EXOC2: variants seen among roughly 807,000 people sequenced by gnomAD.
The protein encoded by EXOC2 is SEC5-like 1.
Under a neutral mutation model 131.8 loss-of-function variants are expected in EXOC2, and 70 were observed. The observed-to-expected ratio is 0.53, with a 90% CI of 0.44 to 0.65. The LOEUF is 0.65. EXOC2 is among the 30% of genes least tolerant of loss of function. The pLI, the probability that EXOC2 is intolerant of heterozygous loss-of-function variation, is 0.00. For missense variants in EXOC2, 923 were observed against 1,108.6 expected, an observed-to-expected ratio of 0.83 and a Z score of 2.38; for synonymous variants, 411 against 398.4, an observed-to-expected ratio of 1.03 and a Z score of -0.38.
At chr6:493,154 C>T (rs909095075) in intron 25 of EXOC2, among the ~76,000 whole-genome samples, 2 of 152,172 alleles carry the variant, frequency 1.3e-5, no homozygotes, top group Admixed American at 1.3e-4. Context: ...ACAGCCAGCT[C>T]TTCACAGTTT....
At position 564,640 on chromosome 6, in the gene EXOC2, G is replaced by A. The variant is rs754084717; in HGVS notation, c.1572C>T (p.Leu524=). ...GCTTGGCTTCCCCATCCCGGATGCT[G>A]AGGGGAAGCAGGGCTCCGCGGGTAA... ...VKLTRGALLP[L]SIRDGEAKQY... The change falls in exon 15 of 28, where the codon CTC becomes CTT. Residue 524 remains leucine, a synonymous_variant. Coordinates refer to ENST00000230449, the MANE Select transcript of EXOC2 (RefSeq NM_018303.6). 4 of 1,612,176 alleles carry A rather than the reference G, an allele frequency of 2.5e-6. No individual in the cohort carries two copies. In the East Asian group the frequency reaches 8.9e-5, roughly 36 times the overall value.
chr6:576,764 T>G lies in EXOC2; in HGVS notation c.1311A>C (p.Arg437=). ...GTGGAGGGAGATACTTACTGTCGTCTCGACCAGACTGAAAGCTGCTGCCCC... is the reference window on the plus strand; with the variant it reads ...GTGGAGGGAGATACTTACTGTCGTCGCGACCAGACTGAAAGCTGCTGCCCC... ...LKRGSSFQSG[R]DDTWRYKTPH... The change falls in exon 12 of 28, where the codon CGA becomes CGC. Residue 437 remains arginine (R), a synonymous_variant. Transcript: ENST00000230449. 18 of 1,613,866 alleles carry G rather than the reference T, an allele frequency of 1.1e-5. No individual in the cohort carries two copies. The highest frequency in any genetic ancestry group is 1.5e-5 in the Non-Finnish European group (18 of 1,179,870).
chr6:649,216 A>C (rs1762723896), intron 1 of EXOC2, among the ~76,000 whole-genome samples: 1 of 152,234 alleles, frequency 6.6e-6, no homozygotes, highest in East Asian at 1.9e-4. Flanking sequence ...TTTGGAAAGC[A>C]TAGGGATAAA....
chr6:576,837 G>A lies in EXOC2; in HGVS notation c.1238C>T (p.Thr413Ile). The change falls in exon 12 of 28, where the codon ACA becomes ATA. Residue 413 changes from threonine to isoleucine, a missense_variant. Thr to Ile is a moderately conservative substitution (Grantham distance 89). Transcript: ENST00000230449. ...GAGATGGCCCAACACTGAGGGACGT[G>A]TATCATTATCAAGATCCAACATGGG... ...HSPMLDLDND[T>I]RPSVLGHLSQ... is the part of the protein sequence containing the mutation. 1 of 1,614,076 alleles carries A rather than the reference G, an allele frequency of 6.2e-7. No homozygotes were observed. Among genetic ancestry groups the A allele is most frequent in the South Asian group, 1.1e-5 (1 of 91,066 alleles).
At chr6:624,406 T>C (rs1319907875) in intron 4 of EXOC2, among the ~76,000 whole-genome samples, 1 of 152,256 alleles carries the variant, frequency 6.6e-6, no homozygotes, top group Non-Finnish European at 1.5e-5. Context: ...TCAGAGTAGA[T>C]AATGCTTGTG....
At chr6:581,948 CTA>C (rs1220739051) in intron 11 of EXOC2, among the ~76,000 whole-genome samples, 2 of 152,108 alleles carry the variant, frequency 1.3e-5, no homozygotes, top group South Asian at 2.1e-4. Flanking sequence ...AAAAATACCT[CTA>C]GACATTTTAA....
chr6:619,709 T>A (rs1488461503), intron 4 of EXOC2, among the ~76,000 whole-genome samples, 166 bp from the exon 5 acceptor site: 1 of 152,222 alleles, frequency 6.6e-6, no homozygotes, highest in Non-Finnish European at 1.5e-5. Flanking sequence ...CAAAATATAT[T>A]TCCCACATCA....
intron 4 of EXOC2, among the ~76,000 whole-genome samples, chr6:627,446 C>T (rs763099964): frequency 3.9e-5 from 6 of 152,162 alleles, no homozygotes; most frequent in South Asian, 2.1e-4. Context: ...TGTCTGTTCA[C>T]GGCCTAAAGG....
intron 22 of EXOC2, among the ~76,000 whole-genome samples, chr6:545,955 T>C (rs1011031957): frequency 6.6e-6 from 1 of 152,198 alleles, no homozygotes; most frequent in Admixed American, 6.5e-5. Context: ...AAAAATACAA[T>C]GTCAAATGAA....
chr6:595,029 C>A (rs1759736810), intron 10 of EXOC2, among the ~76,000 whole-genome samples: 1 of 150,432 alleles, frequency 6.6e-6, no homozygotes, highest in African/African-American at 2.5e-5. Flanking sequence ...AGTTTTTAGT[C>A]ATATTCTGAC....
At chr6:600,561 C>T (rs1364424549) in intron 7 of EXOC2, among the ~76,000 whole-genome samples, 1 of 152,232 alleles carries the variant, frequency 6.6e-6, no homozygotes, top group East Asian at 1.9e-4. Flanking sequence ...AATCACCAAG[C>T]ACTGTTGTTT....
chr6:645,068 A>C lies in EXOC2; in HGVS notation c.-43-7207T>G, dbSNP rs182350321. On this transcript the variant is annotated intron_variant, in intron 1 of 27. Coordinates refer to ENST00000230449, the MANE Select transcript of EXOC2 (RefSeq NM_018303.6). The stretch of plus-strand genomic sequence containing the variant: ...GTTCATGACTTCAAGACTTATTACA[A>C]ATCTACAGTAATCAAGACAGTGTTG... Among the ~76,000 whole-genome samples, 8 of 152,282 alleles carry C rather than the reference A, an allele frequency of 5.3e-5. No individual in the cohort carries two copies. The East Asian group carries it at 1.2e-3, about 22-fold the overall frequency.
At chr6:559,944 C>G (rs1418801913) in intron 17 of EXOC2, among the ~76,000 whole-genome samples, 3 of 152,180 alleles carry the variant, frequency 2.0e-5, no homozygotes, top group East Asian at 1.9e-4. Context: ...ACATAACTGA[C>G]TTGAGGCAGG....
chr6:518,944 C>T lies in EXOC2; in HGVS notation c.2380+13525G>A, dbSNP rs1185638025. Among the ~76,000 whole-genome samples, 3 of 152,198 alleles carry T rather than the reference C, an allele frequency of 2.0e-5. No individual in the cohort carries two copies. The East Asian group carries it at 5.8e-4, about 29-fold the overall frequency. On this transcript the variant is annotated intron_variant, in intron 23 of 27. Coordinates refer to ENST00000230449, the MANE Select transcript of EXOC2 (RefSeq NM_018303.6). ...AAAAAAAGATTATTGACTTAGGCTTCCCTCTTCAGAGATGAAGTCCACTCA... is the reference window on the plus strand; with the variant it reads ...AAAAAAAGATTATTGACTTAGGCTTTCCTCTTCAGAGATGAAGTCCACTCA...
chr6:495,283 G>A (rs891894800), intron 25 of EXOC2, among the ~76,000 whole-genome samples: 2 of 151,682 alleles, frequency 1.3e-5, no homozygotes, highest in East Asian at 1.9e-4. Flanking sequence ...CCGCCACCGC[G>A]CCCGGCTAAT....
At chr6:567,767 A>G (rs1758056093) in intron 13 of EXOC2, among the ~76,000 whole-genome samples, 1 of 152,228 alleles carries the variant, frequency 6.6e-6, no homozygotes. Flanking sequence ...TGGTGAATAA[A>G]TGATCACCTA....
At chr6:565,035 AT>A (rs2127586266) in intron 13 of EXOC2, 106 bp from the exon 14 acceptor site, 1 of 787,204 alleles carries the variant, frequency 1.3e-6, no homozygotes, top group Non-Finnish European at 1.9e-6. Flanking sequence ...TTATAACTTG[AT>A]TAAAAGAAAT....
At chr6:504,302 TCAGAGAGGGGC>T (rs1764400388) in intron 23 of EXOC2, among the ~76,000 whole-genome samples, 1 of 152,184 alleles carries the variant, frequency 6.6e-6, no homozygotes, top group South Asian at 2.1e-4. Context: ...GCAGAGGCCG[TCAGAGAGGGGC>T]TCCGTGTGCA....
chr6:684,067 G>A (rs1432960278), intron 1 of EXOC2, among the ~76,000 whole-genome samples: 2 of 152,280 alleles, frequency 1.3e-5, no homozygotes, highest in African/African-American at 2.4e-5. Context: ...GCAGCCTCTC[G>A]GCTGAGCGGG....
Sources: allele counts gnomAD v4.1 joint callset (sites outside exome capture counted in the v4.1 genomes callset), GRCh38; gene constraint gnomAD v4.1.1; transcripts MANE v1.5; gene names NCBI Gene and HGNC (gene_info 2026-07-23, HGNC 2026-07-21).